The following SCN3A variants were observed in gnomAD, a reference collection of about 807,000 sequenced individuals.
SCN3A encodes sodium voltage-gated channel alpha subunit 3.
SCN3A carries 60 observed loss-of-function variants against 187.6 expected under a neutral mutation model. That is an observed-to-expected ratio of 0.32 (90% CI 0.26 to 0.40). The LOEUF is 0.40. Ranked by LOEUF, SCN3A falls within the 10% of genes least tolerant of loss-of-function variation. The pLI is 1.00. For missense variants in SCN3A, 1,601 were observed against 2,428.2 expected (o/e 0.66, Z 7.16); for synonymous variants, 788 against 829.2 (o/e 0.95, Z 0.85).
chr2:165,155,658 C>T (rs868216968), intron 10 of SCN3A, 104 bp downstream of exon 10: 5 of 1,348,670 alleles, frequency 3.7e-6, no homozygotes, highest in Non-Finnish European at 5.3e-6. Flanking sequence ...CTCTGCCTCC[C>T]AAAGTGCTAG....
chr2:165,194,501 T>C (rs576089878), intron 1 of SCN3A, among the ~76,000 whole-genome samples: 1 of 152,240 alleles, frequency 6.6e-6, no homozygotes, highest in South Asian at 2.1e-4. Context: ...TTTAGAAGAC[T>C]TTAGTGAACT....
intron 4 of SCN3A, 23 bp from the exon 5 acceptor site, chr2:165,168,848 ATGTT>A: frequency 6.5e-7 from 1 of 1,537,990 alleles, no homozygotes; most frequent in Non-Finnish European, 9.0e-7. Context: ...TAAGGAATAA[ATGTT>A]AGTAGGTTAC....
chr2:165,162,250 C>G, intron 9 of SCN3A, 58 bp downstream of exon 9: 1 of 1,452,776 alleles, frequency 6.9e-7, no homozygotes, highest in Non-Finnish European at 9.5e-7. Flanking sequence ...TGTTTTCCTA[C>G]CTACTTTTTT....
chr2:165,138,214 A>G (rs1276043963), intron 14 of SCN3A, 97 bp from the exon 15 acceptor site: 3 of 867,518 alleles, frequency 3.5e-6, no homozygotes, highest in East Asian at 2.6e-5. Flanking sequence ...TGATGCTTAT[A>G]TTTGAAAATA....
chr2:165,140,579 C>T lies in SCN3A; in HGVS notation c.2019+72G>A, dbSNP rs1439016262. 6 of 1,379,420 alleles carry T rather than the reference C, an allele frequency of 4.3e-6. No individual in the cohort carries two copies. Among genetic ancestry groups the T allele is most frequent in the Non-Finnish European group, 6.2e-6 (6 of 968,352 alleles). The allele number at this position is 1,379,420 out of a possible 1,614,324, so 85.4% of individuals were successfully genotyped here. A position where few individuals can be genotyped will look rare whatever the true frequency, so the allele number is the denominator to read the frequency against. On this transcript the variant is annotated intron_variant, in intron 13 of 27. Coordinates refer to ENST00000283254, the MANE Select transcript of SCN3A (RefSeq NM_006922.4). This position sits in a 1 kb window ranked among gnomAD's most constrained non-coding sequence, Gnocchi z 4.2. ...TGAGGAAGCAGGACGGTATGACAGCCTAAACTGTCCAGGCTTTGATTATTT... is the reference window on the plus strand; with the variant it reads ...TGAGGAAGCAGGACGGTATGACAGCTTAAACTGTCCAGGCTTTGATTATTT...
chr2:165,178,017 G>A (rs1690578988), intron 2 of SCN3A, among the ~76,000 whole-genome samples: 1 of 152,034 alleles, frequency 6.6e-6, no homozygotes, highest in African/African-American at 2.4e-5. Context: ...AGGCTCCGTA[G>A]TAGTTTATCC....
At chr2:165,155,612 TG>T in intron 10 of SCN3A, 149 bp downstream of exon 10, 1 of 785,784 alleles carries the variant, frequency 1.3e-6, no homozygotes, top group Non-Finnish European at 2.1e-6. Context: ...TTGTTCAGGC[TG>T]GTCTCGAATT....
At chr2:165,146,503 AT>A (rs1362044131) in intron 12 of SCN3A, among the ~76,000 whole-genome samples, 3 of 148,650 alleles carry the variant, frequency 2.0e-5, no homozygotes, top group Non-Finnish European at 4.5e-5. Flanking sequence ...TATATATTAT[AT>A]CAATATATCT....
At position 165,113,937 on chromosome 2, in the gene SCN3A, C is replaced by T. The variant is rs1238498120; in HGVS notation, c.3548G>A (p.Ser1183Asn). ...CIKKFPFCQV[S>N]TEEGKGKIWW... Reference sequence around the variant, plus strand: ...GATCTTCCCTTTGCCTTCTTCTGTACTTACTTGACAGAATGGAAACTTTTT... The same window carrying T: ...GATCTTCCCTTTGCCTTCTTCTGTATTTACTTGACAGAATGGAAACTTTTT... The change falls in exon 20 of 28, where the codon AGT becomes AAT. Residue 1183 changes from serine to asparagine, a missense_variant. Ser to Asn is a conservative substitution (Grantham distance 46). Around this residue, in one of 11 missense-constraint regions of SCN3A, gnomAD observed 267 missense variants for 313.2 expected, o/e 0.85. Transcript: ENST00000283254. 3 of 1,609,632 alleles carry T rather than the reference C, an allele frequency of 1.9e-6. No homozygotes were observed. The highest frequency in any genetic ancestry group is 2.5e-6 in the Non-Finnish European group (3 of 1,176,500).
intron 7 of SCN3A, among the ~76,000 whole-genome samples, chr2:165,163,203 A>C (rs1689514840): frequency 6.8e-6 from 1 of 148,060 alleles, no homozygotes. Context: ...AGGAGAAAAG[A>C]ATTTTAAAAT....
intron 7 of SCN3A, 93 bp from the exon 8 acceptor site, chr2:165,162,921 T>C: frequency 2.0e-6 from 3 of 1,476,224 alleles, no homozygotes; most frequent in South Asian, 2.3e-5. Flanking sequence ...CCATAAATGA[T>C]TGCTTGACTA....
At position 165,089,985 on chromosome 2, in the gene SCN3A, G is replaced by T; in HGVS notation, c.*165C>A. 2 of 867,256 alleles carry T rather than the reference G, an allele frequency of 2.3e-6. No individual in the cohort carries two copies. The highest frequency in any genetic ancestry group is 3.6e-4 in the Middle Eastern group (1 of 2,778). The allele number at this position is 867,256 out of a possible 1,614,324, so 53.7% of individuals were successfully genotyped here. On this transcript the variant is annotated 3_prime_UTR_variant, in exon 28 of 28. Coordinates refer to ENST00000283254, the MANE Select transcript of SCN3A (RefSeq NM_006922.4). ...TGTTGATACCCTGCTTCACAGAGTT[G>T]CAGTGACAGAGAGGTCACTTCACTG...
intron 18 of SCN3A, among the ~76,000 whole-genome samples, chr2:165,116,943 ATTT>A (rs11395597): frequency 8.5e-6 from 1 of 118,202 alleles, no homozygotes; most frequent in Admixed American, 8.9e-5. Flanking sequence ...TGATAGCACA[ATTT>A]TTTTTTTTTT....
rs1013294923 is a variant in SCN3A, at chr2:165,203,909, G to A, written c.-334C>T. Reference sequence around the variant, plus strand: ...GTATAACGTGTCTTCCTCTGCAGCTGTTCAGCTTTTTTTTTTTTTTTTTTT... The same window carrying A: ...GTATAACGTGTCTTCCTCTGCAGCTATTCAGCTTTTTTTTTTTTTTTTTTT... On this transcript the variant is annotated 5_prime_UTR_variant, in exon 1 of 28. Transcript: ENST00000283254. 1 of 128,422 alleles carries A rather than the reference G, an allele frequency of 7.8e-6. No individual in the cohort carries two copies. The highest frequency in any genetic ancestry group is 1.6e-5 in the Non-Finnish European group (1 of 62,602). 8.0% of individuals were successfully genotyped at this position (128,422 alleles called of 1,614,324 possible).
intron 19 of SCN3A, among the ~76,000 whole-genome samples, chr2:165,114,630 A>G (rs747923946): frequency 5.3e-5 from 8 of 152,214 alleles, no homozygotes; most frequent in Non-Finnish European, 1.2e-4. Flanking sequence ...ATTTGTGTTC[A>G]AGACATTGTG....
intron 5 of SCN3A, among the ~76,000 whole-genome samples, chr2:165,166,923 A>C (rs758635196): frequency 4.6e-5 from 7 of 151,110 alleles, no homozygotes; most frequent in Non-Finnish European, 7.4e-5. Context: ...GTTTTGAAAC[A>C]GAGTTTCGCT....
chr2:165,129,881 C>A, intron 17 of SCN3A, 59 bp downstream of exon 17: 1 of 1,604,932 alleles, frequency 6.2e-7, no homozygotes, highest in Non-Finnish European at 8.5e-7. Context: ...CATCTGGCCA[C>A]GTTCCTAGCT....
rs773793799 is a variant in SCN3A, at chr2:165,090,369, G to T, written c.5784C>A (p.Asn1928Lys). The change falls in exon 28 of 28, where the codon AAC (asparagine) becomes AAA (lysine). Residue 1928 changes from asparagine (N) to lysine (K), a missense_variant. By Grantham distance (94) the Asn-to-Lys change is moderately conservative. Transcript: ENST00000283254. This position sits in a 1 kb window ranked among gnomAD's most constrained non-coding sequence, Gnocchi z 4.0. Reference sequence around the variant, plus strand: ...CAATCCTCCCTTTAATTGCCTCTTTGTTATAGTTACTTGATATATTTTTTA... The same window carrying T: ...CAATCCTCCCTTTAATTGCCTCTTTTTTATAGTTACTTGATATATTTTTTA... ...QRLKNISSNYNKEAIKGRIDL... is the reference protein window; with the variant it reads ...QRLKNISSNYKKEAIKGRIDL... 2.7e-5 allele frequency: 43 copies of T among 1,612,742 alleles called. No individual in the cohort carries two copies. The highest frequency in any genetic ancestry group is 3.1e-5 in the Non-Finnish European group (37 of 1,178,916).
chr2:165,126,580 C>T (rs779170129), intron 18 of SCN3A, among the ~76,000 whole-genome samples: 2 of 123,716 alleles, frequency 1.6e-5, no homozygotes, highest in African/African-American at 2.9e-5. Context: ...TCCTTCCTCC[C>T]TCCCTCCCTC....
Sources: allele counts gnomAD v4.1 joint callset (sites outside exome capture counted in the v4.1 genomes callset), GRCh38; gene constraint gnomAD v4.1.1; regional missense constraint gnomAD v4.1.1; non-coding constraint Gnocchi (gnomAD v3.1); transcripts MANE v1.5; gene names NCBI Gene and HGNC (gene_info 2026-07-23, HGNC 2026-07-21).